KCTD15: variants seen among roughly 807,000 people sequenced by gnomAD.
KCTD15 encodes the protein potassium channel tetramerization domain containing 15, also known as BTB/POZ domain-containing protein KCTD15.
A neutral mutation model predicts 27.2 loss-of-function variants in KCTD15; 11 were observed. That is an observed-to-expected ratio of 0.41 (90% confidence interval 0.25 to 0.67). The LOEUF is 0.67. Among genes scored for constraint, KCTD15 ranks in the 30% least tolerant of loss-of-function variants. The pLI is 0.35. For synonymous variants in KCTD15, 163 were observed against 176.0 expected, an observed-to-expected ratio of 0.93 and a Z score of 0.58; for missense variants, 350 against 409.3, an observed-to-expected ratio of 0.86 and a Z score of 1.25.
intron 6 of KCTD15, 122 bp downstream of exon 6, chr19:33,811,674 CA>C: frequency 1.3e-6 from 2 of 1,509,354 alleles, no homozygotes; most frequent in South Asian, 1.2e-5. Flanking sequence ...TGCCATCCTA[CA>C]AAAAAGGCAA....
chr19:33,807,305 C>A (rs545786933), intron 5 of KCTD15, among the ~76,000 whole-genome samples: 13 of 152,338 alleles, frequency 8.5e-5, no homozygotes, highest in Non-Finnish European at 1.2e-4. Context: ...TCTGTTCCAT[C>A]GGCTGGGTGC....
intron 4 of KCTD15, among the ~76,000 whole-genome samples, chr19:33,804,558 TTCC>T (rs2145458492): frequency 6.6e-6 from 1 of 152,270 alleles, no homozygotes; most frequent in South Asian, 2.1e-4. Context: ...TAGCTCTTAC[TTCC>T]CACCGGTGCC....
chr19:33,811,407 T>G lies in KCTD15; in HGVS notation c.548T>G (p.Leu183Arg). The G allele has an allele frequency of 6.2e-7, 1 of 1,609,874 alleles. No individual in the cohort carries two copies. Among genetic ancestry groups the G allele is most frequent in the South Asian group, 1.1e-5 (1 of 90,424 alleles). ...CCCGACTTGGGCGAGCGGATCGCAC[T>G]CAGCGGCGAGAAGGCCCTCATCGAG... ...VTPDLGERIA[L>R]SGEKALIEEV... is the part of the protein sequence containing the mutation. The change falls in exon 6 of 7, where the codon CTC (leucine) becomes CGC (arginine). Residue 183 changes from leucine (L) to arginine (R), a missense_variant. Physicochemically the swap from Leu to Arg is moderately radical, Grantham distance 102. Around this residue, in one of 3 missense-constraint regions of KCTD15, gnomAD observed 219 missense variants for 234.9 expected, o/e 0.93. Transcript: ENST00000683859.
intron 4 of KCTD15, 61 bp downstream of exon 4, chr19:33,801,403 C>T (rs1975540697): frequency 6.9e-7 from 1 of 1,444,266 alleles, no homozygotes; most frequent in Non-Finnish European, 9.3e-7. Flanking sequence ...CTGTAATCTG[C>T]TGCCTAGGGG....
chr19:33,807,482 G>A (rs1262025544), intron 5 of KCTD15, among the ~76,000 whole-genome samples: 1 of 152,222 alleles, frequency 6.6e-6, no homozygotes, highest in East Asian at 1.9e-4. Context: ...CCAGCACTTT[G>A]GGAGGCCGAG....
At position 33,811,293 on chromosome 19, in the gene KCTD15, C is replaced by G; in HGVS notation, c.434C>G (p.Pro145Arg). 2.6e-6 allele frequency: 4 copies of G among 1,545,904 alleles called. No individual in the cohort carries two copies. The highest frequency in any genetic ancestry group is 2.5e-5 in the East Asian group (1 of 40,790). Residue 145 changes from proline (P) to arginine (R), a missense_variant, in exon 6 of 7, where the codon CCC becomes CGC. Coordinates refer to ENST00000683859, the MANE Select transcript of KCTD15 (RefSeq NM_001129994.2). ...YEEARYYQLQ[P>R]MVRELERWQQ... Reference sequence around the variant, plus strand: ...GAGGCGCGCTACTATCAGCTCCAGCCCATGGTGCGCGAGCTGGAGCGCTGG... The same window carrying G: ...GAGGCGCGCTACTATCAGCTCCAGCGCATGGTGCGCGAGCTGGAGCGCTGG...
chr19:33,802,573 C>G (rs1317740403), intron 4 of KCTD15, among the ~76,000 whole-genome samples: 1 of 152,090 alleles, frequency 6.6e-6, no homozygotes, highest in African/African-American at 2.4e-5. Flanking sequence ...TCCAGTACCC[C>G]AGGTGGACAG....
chr19:33,806,659 A>T (rs1319829339), intron 4 of KCTD15, among the ~76,000 whole-genome samples: 1 of 151,828 alleles, frequency 6.6e-6, no homozygotes, highest in Non-Finnish European at 1.5e-5. Flanking sequence ...TGTAGGCAGG[A>T]TGTGTGGTGT....
At position 33,800,465 on chromosome 19, in the gene KCTD15, G is replaced by A. The variant is rs749472091; in HGVS notation, c.11G>A (p.Arg4His). Reference protein sequence around the residue: MPHRKERPSGSSLH... With the variant: MPHHKERPSGSSLH... ...GGGATGGAAGCCTAGATGCCTCACC[G>A]CAAGGAGCGGCCGAGCGGGTCCTCG... Residue 4 changes from arginine (R) to histidine (H), a missense_variant, in exon 3 of 7, where the codon CGC becomes CAC. Around this residue, in one of 3 missense-constraint regions of KCTD15, gnomAD observed 77 missense variants for 72.7 expected, o/e 1.06. Coordinates refer to ENST00000683859, the MANE Select transcript of KCTD15 (RefSeq NM_001129994.2). The A allele has an allele frequency of 1.0e-5, 16 of 1,604,806 alleles. 1 individual carries two copies. Among genetic ancestry groups the A allele is most frequent in the South Asian group, 4.5e-5 (4 of 88,768 alleles).
At position 33,813,005 on chromosome 19, in the gene KCTD15, G is replaced by A. The variant is rs1975978465; in HGVS notation, c.*57G>A. 6.7e-7 allele frequency: 1 copy of A among 1,493,794 alleles called. No homozygotes were observed. Among genetic ancestry groups the A allele is most frequent in the African/African-American group, 1.4e-5 (1 of 72,188 alleles). 92.5% of individuals were successfully genotyped at this position (1,493,794 alleles called of 1,614,324 possible). A position where few individuals can be genotyped will look rare whatever the true frequency, so the allele number is the denominator to read the frequency against. On this transcript the variant is annotated 3_prime_UTR_variant, in exon 7 of 7. Transcript: ENST00000683859. ...AGGGACCTGGAAACAGTGCTGGGGA[G>A]TTCTGCCTGTGTATACTTGGCCGTG...
Position 33,798,672 on chromosome 19 carries a change from G to T in KCTD15, c.-122G>T, listed in dbSNP as rs932348695. On this transcript the variant is annotated 5_prime_UTR_variant, in exon 2 of 7. Transcript: ENST00000683859. ...CTTTTGTGCTTCTGACTTAAGCAGT[G>T]GTCTCGGAAAGAGGGTCGTGGTCCC... The T allele has an allele frequency of 2.6e-5, 4 of 152,734 alleles. No individual in the cohort carries two copies. The highest frequency in any genetic ancestry group is 9.6e-5 in the African/African-American group (4 of 41,478). The allele number at this position is 152,734 out of a possible 1,614,324, so 9.5% of individuals were successfully genotyped here.
chr19:33,801,059 T>A (rs930660340), intron 3 of KCTD15, 108 bp from the exon 4 acceptor site: 2 of 1,065,060 alleles, frequency 1.9e-6, no homozygotes, highest in Non-Finnish European at 1.4e-6. Flanking sequence ...AGTGATCTGA[T>A]TAGATCTGTG....
chr19:33,802,420 C>A (rs1280497710), intron 4 of KCTD15, among the ~76,000 whole-genome samples: 3 of 152,156 alleles, frequency 2.0e-5, no homozygotes, highest in Non-Finnish European at 4.4e-5. Context: ...TGGTAGTGCG[C>A]AGAGGTGGCT....
At chr19:33,807,114 A>G in intron 5 of KCTD15, 107 bp downstream of exon 5, 1 of 1,346,744 alleles carries the variant, frequency 7.4e-7, no homozygotes, top group Non-Finnish European at 1.0e-6. Flanking sequence ...AACCATAAAA[A>G]GTTAAACGAT....
rs762950630 is a variant in KCTD15 at position 33,801,204 on chromosome 19, C to T, written c.104C>T (p.Ser35Leu). 7 of 1,611,780 alleles carry T rather than the reference C, an allele frequency of 4.3e-6. No individual in the cohort carries two copies. Among genetic ancestry groups the T allele is most frequent in the African/African-American group, 1.3e-5 (1 of 74,812 alleles). Residue 35 changes from serine to leucine, a missense_variant, in exon 4 of 7, where the codon TCG becomes TTG. Transcript: ENST00000683859. Reference protein sequence around the residue: ...GNMSRLSLTRSPVSPLAAQGI... With the variant: ...GNMSRLSLTRLPVSPLAAQGI... ...ATGTCCCGGCTGTCTCTCACCCGGT[C>T]GCCTGTGTCTCCCCTGGCTGCCCAG...
Position 33,809,519 on chromosome 19 carries a change from G to A in KCTD15, c.388-1728G>A, listed in dbSNP as rs908802072. ...GGGAGAGCTGGTGGGGCATCAGATG[G>A]AGAAATCCTGGGCCATGACAAAAGA... is the stretch of plus-strand genomic sequence containing the variant. On this transcript the variant is annotated intron_variant, in intron 5 of 6. Coordinates refer to ENST00000683859, the MANE Select transcript of KCTD15 (RefSeq NM_001129994.2). Among the ~76,000 whole-genome samples, 5 of 152,090 alleles carry A rather than the reference G, an allele frequency of 3.3e-5. No individual in the cohort carries two copies. The East Asian group carries it at 9.7e-4, about 30-fold the overall frequency.
At chr19:33,802,573 C>A (rs1317740403) in intron 4 of KCTD15, among the ~76,000 whole-genome samples, 1 of 152,090 alleles carries the variant, frequency 6.6e-6, no homozygotes, top group Non-Finnish European at 1.5e-5. Flanking sequence ...TCCAGTACCC[C>A]AGGTGGACAG....
At chr19:33,795,780 C>A (rs542320855), upstream of KCTD15, among the ~76,000 whole-genome samples, 348 of 151,448 alleles carry the variant, frequency 2.3e-3, 2 homozygotes, top group Non-Finnish European at 3.6e-3. Context: ...CGGACCTCGG[C>A]CGCGGGGAGT....
In KCTD15 at chr19:33,814,540, T is replaced by C. The variant is rs576685770; in HGVS notation, c.*1592T>C. On this transcript the variant is annotated 3_prime_UTR_variant, in exon 7 of 7. Coordinates refer to ENST00000683859, the MANE Select transcript of KCTD15 (RefSeq NM_001129994.2). ...CGTCTGGGTGCTTTTGAACCCTGTC[T>C]CAAATGTTTGGGATTTTCTCTCTCA... 6.6e-6 allele frequency: 1 copy of C among 152,334 alleles called. No individual in the cohort carries two copies. The highest frequency in any genetic ancestry group is 2.4e-5 in the African/African-American group (1 of 41,570). 9.4% of individuals were successfully genotyped at this position (152,334 alleles called of 1,614,324 possible).
Sources: gnomAD v4.1 joint callset for allele counts (sites outside exome capture counted in the v4.1 genomes callset) on GRCh38, gnomAD v4.1.1 for gene constraint, gnomAD v4.1.1 regional missense constraint, MANE v1.5 for transcripts, NCBI Gene and HGNC (gene_info 2026-07-23, HGNC 2026-07-21) for gene names.